Variants in CLOCK observed in about 807,000 individuals in gnomAD.
CLOCK encodes the protein clock circadian regulator, also known as circadian locomoter output cycles protein kaput.
A neutral mutation model predicts 118.4 loss-of-function variants in CLOCK; 43 were observed. That is an observed-to-expected ratio of 0.36 (90% confidence interval 0.28 to 0.47). The LOEUF (loss-of-function observed/expected upper bound fraction) is 0.47, where lower values mean the gene tolerates loss of function less well. Ranked by LOEUF, CLOCK falls within the 20% of genes least tolerant of loss-of-function variation. The pLI is 1.00. For missense variants in CLOCK, 846 were observed against 999.9 expected, an observed-to-expected ratio of 0.85 and a Z score of 2.08; for synonymous variants, 326 against 339.2, an observed-to-expected ratio of 0.96 and a Z score of 0.43.
At position 55,443,798 on chromosome 4, in the gene CLOCK, C is replaced by T. The variant is rs369902734; in HGVS notation, c.1791G>A (p.Met597Ile). 17 of 1,613,848 alleles carry T rather than the reference C, an allele frequency of 1.1e-5. No homozygotes were observed. In the African/African-American group the frequency reaches 2.1e-4, roughly 20 times the overall value. Residue 597 changes from methionine (M) to isoleucine (I), a missense_variant, in exon 20 of 23, where the codon ATG becomes ATA. Physicochemically the swap from Met to Ile is conservative, Grantham distance 10 (BLOSUM62 1). Coordinates refer to ENST00000513440, the MANE Select transcript of CLOCK (RefSeq NM_004898.4). ...GGTTAGTAGGAACAACTTGGCCTTGCATATTTATAGGTGCAAGTTGCTGGA... is the reference window on the plus strand; with the variant it reads ...GGTTAGTAGGAACAACTTGGCCTTGTATATTTATAGGTGCAAGTTGCTGGA... ...SNIQQLAPIN[M>I]QGQVVPTNQI...
chr4:55,524,989 G>C (rs1260388495), intron 1 of CLOCK, among the ~76,000 whole-genome samples: 1 of 151,602 alleles, frequency 6.6e-6, no homozygotes, highest in Non-Finnish European at 1.5e-5. Flanking sequence ...ACTCTCCTAG[G>C]TGATTCCATC....
chr4:55,477,423 T>A (rs1015288012), intron 6 of CLOCK, among the ~76,000 whole-genome samples: 2 of 151,966 alleles, frequency 1.3e-5, no homozygotes, highest in African/African-American at 2.4e-5. Flanking sequence ...ATTGACACAT[T>A]TACGAAAGAA....
chr4:55,432,687 C>CT lies in CLOCK; in HGVS notation c.*2727_*2728insA. ...GAGAATCAGGAGGAAAACAAAGCAGCAAAGAGGCAGCTGGTGCTTACTACC... is the reference window on the plus strand; with the variant it reads ...GAGAATCAGGAGGAAAACAAAGCAGCTAAAGAGGCAGCTGGTGCTTACTACC... On this transcript the variant is annotated 3_prime_UTR_variant, in exon 23 of 23. Coordinates refer to ENST00000513440, the MANE Select transcript of CLOCK (RefSeq NM_004898.4). 6.6e-6 allele frequency: 1 copy of CT among 151,834 alleles called. No individual in the cohort carries two copies. The highest frequency in any genetic ancestry group is 1.5e-5 in the Non-Finnish European group (1 of 67,956). 9.4% of individuals were successfully genotyped at this position (151,834 alleles called of 1,614,324 possible). A position where few individuals can be genotyped will look rare whatever the true frequency, so the allele number is the denominator to read the frequency against.
At chr4:55,483,212 G>T (rs1266762281) in intron 3 of CLOCK, among the ~76,000 whole-genome samples, 1 of 152,062 alleles carries the variant, frequency 6.6e-6, no homozygotes, top group Non-Finnish European at 1.5e-5. Flanking sequence ...AGCAGGCTTT[G>T]GGCACATAAC....
chr4:55,486,260 T>C (rs1345769971), intron 3 of CLOCK: 1 of 152,228 alleles, frequency 6.6e-6, no homozygotes, highest in Non-Finnish European at 1.5e-5. Context: ...CCAACTTAAC[T>C]ACAAATTCTT....
At chr4:55,470,840 A>G in intron 7 of CLOCK, 34 bp from the exon 8 acceptor site, 4 of 1,446,668 alleles carry the variant, frequency 2.8e-6, no homozygotes, top group Non-Finnish European at 3.9e-6. Flanking sequence ...TTAAATGAAA[A>G]GAAAAAAGTA....
intron 1 of CLOCK, among the ~76,000 whole-genome samples, chr4:55,517,164 A>G (rs1299943493): frequency 6.6e-6 from 1 of 152,204 alleles, no homozygotes; most frequent in Non-Finnish European, 1.5e-5. Context: ...TGATTTTTGA[A>G]TATTTAACCT....
At chr4:55,522,867 T>C (rs1322520573) in intron 1 of CLOCK, among the ~76,000 whole-genome samples, 2 of 152,092 alleles carry the variant, frequency 1.3e-5, no homozygotes, top group Non-Finnish European at 2.9e-5. Context: ...AAGGAAGCTA[T>C]CAAAACCTAA....
chr4:55,444,258 C>T (rs988118256), intron 19 of CLOCK, among the ~76,000 whole-genome samples: 1 of 152,080 alleles, frequency 6.6e-6, no homozygotes. Context: ...TCATATAAGA[C>T]TAATTTGAAT....
intron 12 of CLOCK, 86 bp downstream of exon 12, chr4:55,456,132 A>T (rs910281023): frequency 2.7e-4 from 349 of 1,299,522 alleles, no homozygotes; most frequent in Non-Finnish European, 3.3e-4. Flanking sequence ...GTCCTAATTT[A>T]AAAAAAAGTT....
intron 9 of CLOCK, among the ~76,000 whole-genome samples, chr4:55,459,597 A>G (rs1725176475): frequency 6.6e-6 from 1 of 151,860 alleles, no homozygotes; most frequent in Non-Finnish European, 1.5e-5. Context: ...AGTCTTTCCT[A>G]TTTTCTCTAG....
At chr4:55,525,832 T>C (rs1730145704) in intron 1 of CLOCK, among the ~76,000 whole-genome samples, 1 of 145,646 alleles carries the variant, frequency 6.9e-6, no homozygotes, top group Non-Finnish European at 1.5e-5. Flanking sequence ...TAAGAAAAAA[T>C]GAGTCAAGAA....
intron 1 of CLOCK, among the ~76,000 whole-genome samples, chr4:55,514,833 AC>A (rs1328872764): frequency 1.3e-5 from 2 of 152,190 alleles, no homozygotes; most frequent in African/African-American, 4.8e-5. Context: ...ATATTGGTCT[AC>A]AGTTTTCTTT....
chr4:55,541,216 G>A (rs1174020131), intron 1 of CLOCK, among the ~76,000 whole-genome samples: 1 of 152,040 alleles, frequency 6.6e-6, no homozygotes, highest in Non-Finnish European at 1.5e-5. Context: ...CACCTAATAG[G>A]GCTTTTAATA....
chr4:55,544,200 C>CACACA (rs1731466093), intron 1 of CLOCK, among the ~76,000 whole-genome samples: 4 of 143,580 alleles, frequency 2.8e-5, no homozygotes, highest in African/African-American at 1.1e-4. Context: ...ACACACACAC[C>CACACA]CCAATTTACC....
chr4:55,483,674 G>A (rs1170703873), intron 3 of CLOCK, among the ~76,000 whole-genome samples: 1 of 152,134 alleles, frequency 6.6e-6, no homozygotes, highest in Non-Finnish European at 1.5e-5. Flanking sequence ...AAAGAATATC[G>A]TATTTGAGAA....
intron 1 of CLOCK, among the ~76,000 whole-genome samples, chr4:55,532,914 G>C (rs1577868835): frequency 6.6e-6 from 1 of 151,978 alleles, no homozygotes; most frequent in South Asian, 2.1e-4. Flanking sequence ...CTTAACCAAG[G>C]AGATAAAAGA....
At position 55,435,274 on chromosome 4, in the gene CLOCK, C is replaced by T; in HGVS notation, c.*141G>A. 1 of 991,812 alleles carries T rather than the reference C, an allele frequency of 1.0e-6. No individual in the cohort carries two copies. The highest frequency in any genetic ancestry group is 1.5e-6 in the Non-Finnish European group (1 of 648,126). 61.4% of individuals were successfully genotyped at this position (991,812 alleles called of 1,614,324 possible). On this transcript the variant is annotated 3_prime_UTR_variant, in exon 23 of 23. Coordinates refer to ENST00000513440, the MANE Select transcript of CLOCK (RefSeq NM_004898.4). ...TAGCACTAGGCAGCATTTTCTCTGC[C>T]AACTAATTCCAGGAACTAGAACACT...
chr4:55,452,981 C>T (rs945140646), intron 15 of CLOCK, 73 bp downstream of exon 15: 1 of 1,031,654 alleles, frequency 9.7e-7, no homozygotes, highest in Non-Finnish European at 1.5e-6. Context: ...AATAGTTTTC[C>T]TATTAATTAT....
Sources: allele counts gnomAD v4.1 joint callset (sites outside exome capture counted in the v4.1 genomes callset), GRCh38; gene constraint gnomAD v4.1.1; transcripts MANE v1.5; gene names NCBI Gene and HGNC (gene_info 2026-07-23, HGNC 2026-07-21).